Variants in RARB observed in about 807,000 individuals in gnomAD.
RARB encodes retinoic acid receptor beta, also known as HBV-activated protein.
RARB carries 17 observed loss-of-function variants against 51.9 expected under a neutral mutation model. The ratio of observed to expected loss-of-function variants is 0.33; its 90% confidence interval spans 0.22 to 0.49. The LOEUF is 0.49. RARB is among the 20% of genes least tolerant of loss of function. The pLI is 0.99. For missense variants in RARB, 369 were observed against 550.8 expected, an observed-to-expected ratio of 0.67 and a Z score of 3.30; for synonymous variants, 215 against 195.4, an observed-to-expected ratio of 1.10 and a Z score of -0.84.
intron 2 of RARB, among the ~76,000 whole-genome samples, chr3:24,927,877 A>C (rs572823455): frequency 6.6e-6 from 1 of 152,152 alleles, no homozygotes; most frequent in East Asian, 1.9e-4. Flanking sequence ...AGAATAAGAA[A>C]ATTTACTGTG....
intron 5 of RARB, among the ~76,000 whole-genome samples, chr3:25,216,721 A>T (rs957135611): frequency 6.6e-6 from 1 of 151,738 alleles, no homozygotes; most frequent in African/African-American, 2.4e-5. Flanking sequence ...GAAGAAACAA[A>T]ATATAGGTAC....
intron 5 of RARB, among the ~76,000 whole-genome samples, chr3:25,373,569 T>C (rs1207389192): frequency 6.6e-6 from 1 of 152,208 alleles, no homozygotes; most frequent in Non-Finnish European, 1.5e-5. Flanking sequence ...TAATCATTTT[T>C]AGCTATAAAA....
intron 3 of RARB, among the ~76,000 whole-genome samples, chr3:25,560,280 CTA>C (rs373928977): frequency 6.6e-5 from 10 of 152,132 alleles, no homozygotes; most frequent in Non-Finnish European, 5.9e-5. Context: ...TTTAAACTAA[CTA>C]TGTGATATAA....
At chr3:25,000,074 A>T (rs1020281924) in intron 2 of RARB, among the ~76,000 whole-genome samples, 2 of 152,166 alleles carry the variant, frequency 1.3e-5, no homozygotes, top group African/African-American at 4.8e-5. Context: ...TCCGGCTTCA[A>T]TCATTAGAAT....
chr3:25,152,475 T>C (rs887688355), intron 4 of RARB, among the ~76,000 whole-genome samples: 2 of 152,210 alleles, frequency 1.3e-5, no homozygotes, highest in African/African-American at 4.8e-5. Flanking sequence ...CTTTTTCTTT[T>C]ATTTACAAAG....
At position 25,188,544 on chromosome 3, in the gene RARB, T is replaced by G. The variant is rs17015927; in HGVS notation, c.178+13969T>G. Among the ~76,000 whole-genome samples the G allele has an allele frequency of 9.6e-3, 1,456 of 152,262 alleles. 21 individuals carry two copies. The highest frequency in any genetic ancestry group is 0.034 in the African/African-American group (1,393 of 41,572). Reference sequence around the variant, plus strand: ...GTCCTGATCGTGCAGTGGTAAAATTTCCAAGGAGGTATTTTGGAGTAGAAA... The same window carrying G: ...GTCCTGATCGTGCAGTGGTAAAATTGCCAAGGAGGTATTTTGGAGTAGAAA... On this transcript the variant is annotated intron_variant, in intron 5 of 11. Transcript: ENST00000383772.
At chr3:25,570,950 A>G (rs1004200525) in intron 4 of RARB, among the ~76,000 whole-genome samples, 1 of 152,050 alleles carries the variant, frequency 6.6e-6, no homozygotes, top group Non-Finnish European at 1.5e-5. Context: ...GAAAGAAAAA[A>G]AAAAAACAGT....
intron 2 of RARB, among the ~76,000 whole-genome samples, chr3:24,937,835 A>G (rs573128189): frequency 1.3e-5 from 2 of 152,160 alleles, no homozygotes; most frequent in South Asian, 4.2e-4. Flanking sequence ...AAATAAAGAG[A>G]TTTTAATCCC....
intron 2 of RARB, among the ~76,000 whole-genome samples, chr3:24,869,393 AATT>A (rs1422748958): frequency 6.6e-6 from 1 of 152,146 alleles, no homozygotes; most frequent in Non-Finnish European, 1.5e-5. Flanking sequence ...AGACAAATCA[AATT>A]ATGCTTCCTG....
chr3:25,138,119 G>C (rs1048673450), intron 4 of RARB, among the ~76,000 whole-genome samples: 2 of 152,072 alleles, frequency 1.3e-5, no homozygotes, highest in Non-Finnish European at 2.9e-5. Context: ...GAGAATTTCG[G>C]TCTTCAGGGA....
At chr3:25,563,759 A>G (rs1287179014) in intron 3 of RARB, among the ~76,000 whole-genome samples, 1 of 152,212 alleles carries the variant, frequency 6.6e-6, no homozygotes, top group Non-Finnish European at 1.5e-5. Context: ...TCCCCAACTC[A>G]TGACAACCCC....
rs780113005 is a variant in RARB at position 25,174,562 on chromosome 3, C to G, written c.165C>G (p.Thr55=). The G allele has an allele frequency of 2.2e-6, 3 of 1,352,124 alleles. No homozygotes were observed. The Admixed American group carries it at 5.7e-5, about 26-fold the overall frequency. 83.8% of individuals were successfully genotyped at this position (1,352,124 alleles called of 1,614,324 possible). A position where few individuals can be genotyped will look rare whatever the true frequency, so the allele number is the denominator to read the frequency against. ...ATCCGCCTCCGAGTGGATGCAGCAC[C>G]CCGTCGCCGGCAAGTAAGTCCTGCT... Residue 55 remains threonine, a synonymous_variant, in exon 5 of 12, where the codon ACC becomes ACG. Transcript: ENST00000383772.
intron 5 of RARB, among the ~76,000 whole-genome samples, chr3:25,271,233 AATG>A (rs1177929601): frequency 4.6e-5 from 7 of 152,192 alleles, no homozygotes; most frequent in African/African-American, 1.7e-4. Context: ...GGTATTTAAG[AATG>A]AGATAAAATT....
intron 5 of RARB, among the ~76,000 whole-genome samples, chr3:25,330,090 T>A (rs944416630): frequency 2.6e-5 from 4 of 152,072 alleles, no homozygotes; most frequent in Non-Finnish European, 2.9e-5. Context: ...GAAAACACTC[T>A]GCAGGATATT....
chr3:25,574,381 A>G (rs556906686), intron 4 of RARB, among the ~76,000 whole-genome samples: 1 of 152,228 alleles, frequency 6.6e-6, no homozygotes, highest in Non-Finnish European at 1.5e-5. Flanking sequence ...CGCCTTGCAC[A>G]GTTTCCGGCA....
intron 5 of RARB, among the ~76,000 whole-genome samples, chr3:25,396,505 G>A (rs540765328): frequency 2.0e-5 from 3 of 152,308 alleles, no homozygotes; most frequent in South Asian, 2.1e-4. Context: ...CTTTTGAAGA[G>A]AGCATCAGCT....
At chr3:25,278,357 T>A (rs1703442300) in intron 5 of RARB, among the ~76,000 whole-genome samples, 1 of 152,200 alleles carries the variant, frequency 6.6e-6, no homozygotes, top group Admixed American at 6.5e-5. Context: ...TGGAAGACCC[T>A]CTTCTGTTTC....
At chr3:25,255,716 T>C (rs1381332262) in intron 5 of RARB, among the ~76,000 whole-genome samples, 1 of 152,148 alleles carries the variant, frequency 6.6e-6, no homozygotes, top group South Asian at 2.1e-4. Context: ...AGTACAGTTT[T>C]GTGGACCTTT....
intron 5 of RARB, among the ~76,000 whole-genome samples, chr3:25,306,033 A>C (rs1398508701): frequency 6.6e-6 from 1 of 152,164 alleles, no homozygotes; most frequent in Non-Finnish European, 1.5e-5. Context: ...TGGGGGAAAG[A>C]GTTTGGTAGT....
Sources: allele counts gnomAD v4.1 joint callset (sites outside exome capture counted in the v4.1 genomes callset), GRCh38; gene constraint gnomAD v4.1.1; transcripts MANE v1.5; gene names NCBI Gene and HGNC (gene_info 2026-07-23, HGNC 2026-07-21).